The following MAF variants were observed in gnomAD, a reference collection of about 807,000 sequenced individuals.
The protein encoded by MAF is transcription factor Maf.
Under a neutral mutation model 22.0 loss-of-function variants are expected in MAF, and 10 were observed. The observed-to-expected ratio is 0.45, with a 90% CI of 0.28 to 0.77. The LOEUF (loss-of-function observed/expected upper bound fraction) is 0.77. MAF is among the 30% of genes least tolerant of loss of function. The pLI, the probability that MAF is intolerant of heterozygous loss-of-function variation, is 0.12. For synonymous variants in MAF, 337 were observed against 255.8 expected, an observed-to-expected ratio of 1.32 and a Z score of -3.03; for missense variants, 544 against 548.4, an observed-to-expected ratio of 0.99 and a Z score of 0.08.
chr16:79,289,103 T>C, the MAF span, among the ~76,000 whole-genome samples: 1 of 152,180 alleles, frequency 6.6e-6, no homozygotes, highest in East Asian at 1.9e-4. Context: ...CTTAGTGAAG[T>C]ATGAGGCCAT....
the MAF span, among the ~76,000 whole-genome samples, chr16:79,211,453 C>T: frequency 1.2e-4 from 18 of 152,224 alleles, no homozygotes; most frequent in African/African-American, 3.9e-4. Flanking sequence ...TTTTTACAGT[C>T]ATGTGCTTTC....
chr16:79,549,738 G>A, the MAF span, among the ~76,000 whole-genome samples: 1 of 152,188 alleles, frequency 6.6e-6, no homozygotes, highest in African/African-American at 2.4e-5. Flanking sequence ...GGGAAGCTGA[G>A]TCTCCTCCTC....
At chr16:79,363,372 T>C in the MAF span, among the ~76,000 whole-genome samples, 2 of 152,226 alleles carry the variant, frequency 1.3e-5, no homozygotes, top group Admixed American at 1.3e-4. Context: ...GCAGACATCA[T>C]AGCTTAGCCT....
chr16:79,569,169 C>T, the MAF span, among the ~76,000 whole-genome samples: 1 of 152,198 alleles, frequency 6.6e-6, no homozygotes, highest in African/African-American at 2.4e-5. Context: ...TCAGTCCCAG[C>T]ATAATTGACA....
At chr16:79,258,398 C>T in the MAF span, among the ~76,000 whole-genome samples, 4 of 152,200 alleles carry the variant, frequency 2.6e-5, no homozygotes, top group African/African-American at 4.8e-5. Flanking sequence ...AGTCTCTAAG[C>T]GGACATGGGC....
At chr16:79,587,987 G>A (rs573011370) in intron 1 of MAF, among the ~76,000 whole-genome samples, 116 of 152,212 alleles carry the variant, frequency 7.6e-4, no homozygotes, top group African/African-American at 2.7e-3. Context: ...TGGGGGAAAA[G>A]GAGGTCTCAC....
At chr16:79,418,991 T>G in the MAF span, among the ~76,000 whole-genome samples, 56 of 152,220 alleles carry the variant, frequency 3.7e-4, no homozygotes, top group Non-Finnish European at 7.6e-4. Flanking sequence ...CTGGAGCTAT[T>G]TTGTGGTATG....
chr16:79,492,854 A>G, the MAF span, among the ~76,000 whole-genome samples: 6 of 152,272 alleles, frequency 3.9e-5, no homozygotes, highest in South Asian at 2.1e-4. Context: ...TAAGAGAGAT[A>G]TGAGATCATA....
At chr16:79,399,547 G>A in the MAF span, among the ~76,000 whole-genome samples, 2 of 152,104 alleles carry the variant, frequency 1.3e-5, no homozygotes, top group Non-Finnish European at 2.9e-5. Context: ...CAATTCCTTG[G>A]GTTGTTTTCC....
chr16:79,237,493 C>T, the MAF span, among the ~76,000 whole-genome samples: 19 of 152,170 alleles, frequency 1.2e-4, 1 homozygote, highest in African/African-American at 4.1e-4. Context: ...GGATTTCTCC[C>T]CCAACTTCTT....
the MAF span, among the ~76,000 whole-genome samples, chr16:79,492,201 C>T: frequency 6.6e-6 from 1 of 152,124 alleles, no homozygotes. Flanking sequence ...ACCTCTCAGA[C>T]CACACATGAA....
the MAF span, among the ~76,000 whole-genome samples, chr16:79,538,855 G>T: frequency 3.2e-5 from 1 of 31,476 alleles, no homozygotes; most frequent in Non-Finnish European, 7.1e-5. Context: ...AGAAAGAAAA[G>T]AAAAGAAAAG....
the MAF span, among the ~76,000 whole-genome samples, chr16:79,406,248 C>T: frequency 3.0e-4 from 46 of 152,340 alleles, no homozygotes; most frequent in Non-Finnish European, 6.2e-4. Flanking sequence ...GTCTCAGGGT[C>T]TGTTTCAGGC....
chr16:79,529,339 C>G, the MAF span, among the ~76,000 whole-genome samples: 1 of 152,136 alleles, frequency 6.6e-6, no homozygotes, highest in Admixed American at 6.5e-5. Context: ...AACTATGTAG[C>G]TATTCAGAGT....
chr16:79,451,604 G>A, the MAF span, among the ~76,000 whole-genome samples: 1 of 152,086 alleles, frequency 6.6e-6, no homozygotes, highest in Non-Finnish European at 1.5e-5. Context: ...TACATGTTCA[G>A]GATTAAAATG....
the MAF span, among the ~76,000 whole-genome samples, chr16:79,275,217 G>A: frequency 6.6e-6 from 1 of 152,168 alleles, no homozygotes; most frequent in African/African-American, 2.4e-5. Flanking sequence ...TTAGCTGGGT[G>A]TGGTGGTGCA....
the MAF span, among the ~76,000 whole-genome samples, chr16:79,552,210 G>A: frequency 7.4e-6 from 1 of 135,278 alleles, no homozygotes; most frequent in Non-Finnish European, 1.7e-5. Flanking sequence ...GGCATCTGCT[G>A]CTCTCTCTTC....
the MAF span, among the ~76,000 whole-genome samples, chr16:79,363,709 G>A: frequency 6.6e-6 from 1 of 152,158 alleles, no homozygotes; most frequent in Non-Finnish European, 1.5e-5. Flanking sequence ...AGGAAGAAAT[G>A]GTTAACTCTG....
the MAF span, among the ~76,000 whole-genome samples, chr16:79,453,241 T>C: frequency 2.6e-5 from 4 of 152,300 alleles, no homozygotes; most frequent in African/African-American, 7.2e-5. Flanking sequence ...AATAATGGTG[T>C]CCTTAGGGAC....
Sources: gnomAD v4.1 joint callset for allele counts (sites outside exome capture counted in the v4.1 genomes callset) on GRCh38, gnomAD v4.1.1 for gene constraint, MANE v1.5 for transcripts, NCBI Gene and HGNC (gene_info 2026-07-23, HGNC 2026-07-21) for gene names.